Variants in NAV2 observed in about 807,000 individuals in gnomAD.
NAV2 encodes the protein neuron navigator 2.
Under a neutral mutation model 223.2 loss-of-function variants are expected in NAV2, and 54 were observed. The observed-to-expected ratio is 0.24, with a 90% CI of 0.19 to 0.30. NAV2 has a LOEUF of 0.30. Among genes scored for constraint, NAV2 ranks in the 10% least tolerant of loss-of-function variants. The pLI, the probability that NAV2 is intolerant of heterozygous loss-of-function variation, is 1.00. For missense variants in NAV2, 2,806 were observed against 3,147.5 expected (o/e 0.89, Z 2.60); for synonymous variants, 1,279 against 1,239.3 (o/e 1.03, Z -0.67).
intron 35 of NAV2, chr11:20,107,202 C>A (rs1189726726): frequency 6.7e-6 from 1 of 150,074 alleles, no homozygotes; most frequent in Non-Finnish European, 1.5e-5. Flanking sequence ...CTCAGCCTCC[C>A]GAGTAGCTGG....
chr11:19,624,747 G>GCTGCACCCACTGTC (rs142982857), intron 1 of NAV2, among the ~76,000 whole-genome samples: 2 of 152,066 alleles, frequency 1.3e-5, no homozygotes, highest in Admixed American at 1.3e-4. Context: ...CGCTTGGTGA[G>GCTGCACCCACTGTC]CTGCACCCAC....
intron 1 of NAV2, chr11:19,507,061 C>T (rs1590358713): frequency 1.3e-5 from 2 of 152,306 alleles, no homozygotes; most frequent in African/African-American, 2.4e-5. Context: ...TCCCCAGCAA[C>T]CTCTCTGCCT....
chr11:19,975,752 G>A (rs1822276), intron 10 of NAV2, among the ~76,000 whole-genome samples: 34,727 of 152,090 alleles, frequency 0.23, 4,345 homozygotes, highest in East Asian at 0.54. Context: ...TTGCAATGTA[G>A]AAATCATTGT....
chr11:20,015,248 G>C (rs1005541296), intron 11 of NAV2, among the ~76,000 whole-genome samples: 2 of 152,080 alleles, frequency 1.3e-5, no homozygotes, highest in African/African-American at 2.4e-5. Context: ...AATACGTGTC[G>C]AGCATTGCCA....
intron 4 of NAV2, among the ~76,000 whole-genome samples, chr11:19,875,174 A>T (rs2062762546): frequency 6.6e-6 from 1 of 152,174 alleles, no homozygotes; most frequent in African/African-American, 2.4e-5. Context: ...ACAAAACTAG[A>T]TGCAAAAATC....
chr11:19,796,422 C>G (rs942873199), intron 1 of NAV2, among the ~76,000 whole-genome samples: 2 of 152,204 alleles, frequency 1.3e-5, no homozygotes, highest in African/African-American at 4.8e-5. Context: ...AATCCTCAAC[C>G]TTCTTTATTG....
intron 1 of NAV2, among the ~76,000 whole-genome samples, chr11:19,720,451 C>T (rs1205017118): frequency 6.6e-6 from 1 of 152,200 alleles, no homozygotes; most frequent in Admixed American, 6.5e-5. Flanking sequence ...GGCCCCCAGC[C>T]TCAGAATATT....
In NAV2 at chr11:19,998,642, T is replaced by A. The variant is rs1315872909; in HGVS notation, c.2768+14395T>A. Among the ~76,000 whole-genome samples, 2 of 152,122 alleles carry A rather than the reference T, an allele frequency of 1.3e-5. No homozygotes were observed. Among genetic ancestry groups the A allele is most frequent in the African/African-American group, 4.8e-5 (2 of 41,416 alleles). ...CTGCCTTCATCCATTCCCCTGGACG[T>A]GCCGGATCTTCTCTTTCGTCAGAAG... is the stretch of plus-strand genomic sequence containing the variant. On this transcript the variant is annotated intron_variant, in intron 11 of 37. Coordinates refer to ENST00000349880, the MANE Select transcript of NAV2 (RefSeq NM_145117.5). This position sits in a 1 kb window ranked among gnomAD's most constrained non-coding sequence, Gnocchi z 5.0.
At chr11:19,895,104 C>CTTTTT (rs71050690) in intron 6 of NAV2, among the ~76,000 whole-genome samples, 2,352 of 99,192 alleles carry the variant, frequency 0.024, 2 homozygotes, top group Non-Finnish European at 0.031. Context: ...CTTTTTCTTT[C>CTTTTT]TTTTTTTTTT....
At chr11:19,714,875 G>C (rs2050171247) in intron 1 of NAV2, among the ~76,000 whole-genome samples, 1 of 152,160 alleles carries the variant, frequency 6.6e-6, no homozygotes, top group African/African-American at 2.4e-5. Context: ...TGGTAGGAGG[G>C]GGCTATATTT....
At chr11:19,822,236 A>G (rs2059422769) in intron 1 of NAV2, among the ~76,000 whole-genome samples, 1 of 152,208 alleles carries the variant, frequency 6.6e-6, no homozygotes, top group African/African-American at 2.4e-5. Context: ...TGAGTCTCAG[A>G]TAGGGTAATT....
intron 1 of NAV2, among the ~76,000 whole-genome samples, chr11:19,458,036 G>A (rs947321815): frequency 1.3e-5 from 2 of 152,086 alleles, no homozygotes; most frequent in Admixed American, 6.6e-5. Flanking sequence ...CCCCCATCTG[G>A]TCCCCCTCCT....
At chr11:19,539,316 A>T (rs7104302) in intron 1 of NAV2, among the ~76,000 whole-genome samples, 17,499 of 152,224 alleles carry the variant, frequency 0.11, 1,416 homozygotes, top group African/African-American at 0.23. Flanking sequence ...ATCCAAGAAG[A>T]AGATCTGTCC....
At chr11:20,108,503 C>T (rs966899727) in intron 36 of NAV2, among the ~76,000 whole-genome samples, 1 of 152,010 alleles carries the variant, frequency 6.6e-6, no homozygotes, top group Non-Finnish European at 1.5e-5. Flanking sequence ...AGTACAGTGG[C>T]ACAATCTCAG....
intron 1 of NAV2, among the ~76,000 whole-genome samples, chr11:19,682,566 G>C (rs928487799): frequency 6.6e-6 from 1 of 152,210 alleles, no homozygotes; most frequent in Non-Finnish European, 1.5e-5. Flanking sequence ...ATAAAGAAAA[G>C]AGGTTTAATT....
At chr11:19,946,823 G>T (rs754917082) in intron 9 of NAV2, among the ~76,000 whole-genome samples, 4 of 152,224 alleles carry the variant, frequency 2.6e-5, no homozygotes, top group Non-Finnish European at 4.4e-5. Context: ...AAATGAGCAG[G>T]TGAACTATAT....
At chr11:19,964,571 C>G (rs1451991977) in intron 10 of NAV2, among the ~76,000 whole-genome samples, 1 of 151,334 alleles carries the variant, frequency 6.6e-6, no homozygotes, top group East Asian at 1.9e-4. Flanking sequence ...TCATAGCTCA[C>G]TGAAACCTCG....
intron 14 of NAV2, among the ~76,000 whole-genome samples, chr11:20,046,158 A>AC (rs1434411638): frequency 1.3e-5 from 2 of 151,820 alleles, no homozygotes; most frequent in African/African-American, 4.8e-5. Flanking sequence ...ATATGGTGAA[A>AC]CCCCGTCTCT....
intron 7 of NAV2, among the ~76,000 whole-genome samples, chr11:19,935,849 C>CTGTTTTTT (rs2045805238): frequency 1.4e-5 from 1 of 69,438 alleles, no homozygotes; most frequent in Non-Finnish European, 3.3e-5. Flanking sequence ...TGTTTTGTTT[C>CTGTTTTTT]TGTTTTTTTT....
Sources: allele counts gnomAD v4.1 joint callset (sites outside exome capture counted in the v4.1 genomes callset), GRCh38; gene constraint gnomAD v4.1.1; non-coding constraint Gnocchi (gnomAD v3.1); transcripts MANE v1.5; gene names NCBI Gene and HGNC (gene_info 2026-07-23, HGNC 2026-07-21).